The following ZDHHC2 variants were observed in gnomAD, a reference collection of about 807,000 sequenced individuals.
ZDHHC2 encodes palmitoyltransferase ZDHHC2.
ZDHHC2 carries 51 observed loss-of-function variants against 55.6 expected under a neutral mutation model. The ratio of observed to expected loss-of-function variants is 0.92; its 90% confidence interval spans 0.73 to 1.16. The LOEUF (loss-of-function observed/expected upper bound fraction) is 1.16. ZDHHC2 is among the 50% of genes most tolerant of loss of function. The pLI is 0.00. For synonymous variants in ZDHHC2, 199 were observed against 152.9 expected (o/e 1.30, Z -2.22); for missense variants, 491 against 442.4 (o/e 1.11, Z -0.99).
At chr8:17,195,217 C>T (rs916050883) in intron 3 of ZDHHC2, among the ~76,000 whole-genome samples, 10 of 152,238 alleles carry the variant, frequency 6.6e-5, no homozygotes, top group South Asian at 2.1e-4. Flanking sequence ...TGGAACTCTA[C>T]GGTTTATAAG....
chr8:17,197,503 G>T, intron 4 of ZDHHC2, 79 bp from the exon 5 acceptor site: 3 of 1,186,622 alleles, frequency 2.5e-6, no homozygotes, highest in African/African-American at 1.6e-5. Context: ...ATTTAAATTT[G>T]GAGAGATGAT....
chr8:17,198,913 G>A (rs1806466498), intron 6 of ZDHHC2, among the ~76,000 whole-genome samples: 1 of 152,158 alleles, frequency 6.6e-6, no homozygotes, highest in Admixed American at 6.5e-5. Flanking sequence ...ATTAATATTT[G>A]CTAATATTTC....
intron 3 of ZDHHC2, among the ~76,000 whole-genome samples, chr8:17,190,190 A>G (rs1346861293): frequency 6.6e-6 from 1 of 151,990 alleles, no homozygotes; most frequent in African/African-American, 2.4e-5. Context: ...TGGGAGGCGG[A>G]GGTTGCAGTG....
intron 11 of ZDHHC2, among the ~76,000 whole-genome samples, chr8:17,216,836 G>C (rs147315640): frequency 1.3e-5 from 2 of 152,270 alleles, no homozygotes; most frequent in East Asian, 3.9e-4. Context: ...GGTTTGACTA[G>C]AATGAGGTTG....
intron 7 of ZDHHC2, 111 bp downstream of exon 7, chr8:17,205,886 A>T: frequency 9.6e-7 from 1 of 1,043,546 alleles, no homozygotes; most frequent in Non-Finnish European, 1.4e-6. Flanking sequence ...GCTCATTGAC[A>T]TGCAGTCAGT....
At chr8:17,186,116 G>T (rs1805694924) in intron 2 of ZDHHC2, among the ~76,000 whole-genome samples, 2 of 152,176 alleles carry the variant, frequency 1.3e-5, no homozygotes, top group African/African-American at 4.8e-5. Flanking sequence ...CATGGGCATA[G>T]ATCTCATTAT....
intron 10 of ZDHHC2, 25 bp from the exon 11 acceptor site, chr8:17,215,212 T>G (rs1807593154): frequency 6.5e-7 from 1 of 1,539,886 alleles, no homozygotes. Flanking sequence ...ATGATGATTT[T>G]GATGATTATT....
chr8:17,191,451 T>C (rs7844519), intron 3 of ZDHHC2, among the ~76,000 whole-genome samples: 4 of 152,122 alleles, frequency 2.6e-5, no homozygotes, highest in Non-Finnish European at 5.9e-5. Context: ...TCCCCACTTA[T>C]GTCCAAGTTT....
Position 17,222,061 on chromosome 8 carries a change from T to A in ZDHHC2, c.*1840T>A, listed in dbSNP as rs576747665. 2 of 149,780 alleles carry A rather than the reference T, an allele frequency of 1.3e-5. No homozygotes were observed. Among genetic ancestry groups the A allele is most frequent in the African/African-American group, 4.9e-5 (2 of 40,926 alleles). The allele number at this position is 149,780 out of a possible 1,614,324, so 9.3% of individuals were successfully genotyped here. ...GGATTCGATTAAGTATTCCCTCTTG[T>A]CAAACTGGAAGCTAGGGGAAAAAGA... On this transcript the variant is annotated 3_prime_UTR_variant, in exon 13 of 13. Transcript: ENST00000262096.
At chr8:17,176,015 G>A (rs1805108555) in intron 1 of ZDHHC2, among the ~76,000 whole-genome samples, 1 of 152,228 alleles carries the variant, frequency 6.6e-6, no homozygotes, top group South Asian at 2.1e-4. Context: ...GGACAGAGAG[G>A]AAGAGCCAGA....
chr8:17,191,704 T>C (rs1806037986), intron 3 of ZDHHC2, among the ~76,000 whole-genome samples: 1 of 152,218 alleles, frequency 6.6e-6, no homozygotes, highest in Non-Finnish European at 1.5e-5. Flanking sequence ...CACATTTTCA[T>C]TATCCATTCA....
At chr8:17,176,485 G>A (rs1424031671) in intron 1 of ZDHHC2, among the ~76,000 whole-genome samples, 2 of 151,936 alleles carry the variant, frequency 1.3e-5, no homozygotes, top group Admixed American at 1.3e-4. Context: ...CATCACGGTA[G>A]GATTTAAGAT....
chr8:17,195,524 G>A lies in ZDHHC2; in HGVS notation c.273G>A (p.Glu91=), dbSNP rs760447471. The A allele has an allele frequency of 4.3e-6, 7 of 1,613,508 alleles. No homozygotes were observed. In the South Asian group the frequency reaches 6.6e-5, roughly 15 times the overall value. Residue 91 remains glutamate (E), a synonymous_variant, in exon 4 of 13, where the codon GAG becomes GAA. Coordinates refer to ENST00000262096, the MANE Select transcript of ZDHHC2 (RefSeq NM_016353.5). ...CACAGTTCCATCTCTCTTATGCAGAGAAAGATTTGTTGGAGAGAGAGCCAA... is the reference window on the plus strand; with the variant it reads ...CACAGTTCCATCTCTCTTATGCAGAAAAAGATTTGTTGGAGAGAGAGCCAA... ...PSKEFHLSYA[E]KDLLEREPRG...
Position 17,201,481 on chromosome 8 carries a change from C to CT in ZDHHC2, c.476+3098dup, listed in dbSNP as rs1171396792. On this transcript the variant is annotated intron_variant, in intron 6 of 12. Coordinates refer to ENST00000262096, the MANE Select transcript of ZDHHC2 (RefSeq NM_016353.5). ...GGGGCAGCCTTTTCTCTCTCTCTCTCTTTTTTTTTTTTTTTTTTTTTTTTT... is the reference window on the plus strand; with the variant it reads ...GGGGCAGCCTTTTCTCTCTCTCTCTCTTTTTTTTTTTTTTTTTTTTTTTTTT... Among the ~76,000 whole-genome samples the CT allele has an allele frequency of 2.4e-3, 59 of 24,330 alleles. 5 individuals carry two copies. Among genetic ancestry groups the CT allele is most frequent in the African/African-American group, 5.8e-3 (52 of 8,892 alleles). 16.0% of individuals were successfully genotyped at this position (24,330 alleles called of 152,430 possible).
At chr8:17,195,397 A>G in intron 3 of ZDHHC2, 107 bp from the exon 4 acceptor site, 7 of 1,292,022 alleles carry the variant, frequency 5.4e-6, no homozygotes, top group South Asian at 4.5e-5. Context: ...TGAATGTACA[A>G]TATACCATTA....
chr8:17,196,775 G>T (rs909541680), intron 4 of ZDHHC2, among the ~76,000 whole-genome samples: 1 of 151,740 alleles, frequency 6.6e-6, no homozygotes. Context: ...GCGTGGTGGC[G>T]CATGCCTGTA....
chr8:17,166,903 A>G (rs1276867886), intron 1 of ZDHHC2, among the ~76,000 whole-genome samples: 1 of 152,190 alleles, frequency 6.6e-6, no homozygotes, highest in African/African-American at 2.4e-5. Context: ...AGGTTACCAA[A>G]AAGAATCTCG....
chr8:17,179,573 TA>T (rs199891625), intron 1 of ZDHHC2, among the ~76,000 whole-genome samples: 10 of 148,330 alleles, frequency 6.7e-5, no homozygotes, highest in South Asian at 2.1e-4. Flanking sequence ...CACACCCAGC[TA>T]AAAAAAAAAG....
chr8:17,217,102 GATGA>G, intron 11 of ZDHHC2, 66 bp from the exon 12 acceptor site: 1 of 1,442,992 alleles, frequency 6.9e-7, no homozygotes, highest in Non-Finnish European at 9.6e-7. Flanking sequence ...CTTATTCATA[GATGA>G]ATAAGAAGTT....
Sources: allele counts gnomAD v4.1 joint callset (sites outside exome capture counted in the v4.1 genomes callset), GRCh38; gene constraint gnomAD v4.1.1; transcripts MANE v1.5; gene names NCBI Gene and HGNC (gene_info 2026-07-23, HGNC 2026-07-21).